Variants in CRB1 observed in about 807,000 individuals in gnomAD.
CRB1 encodes protein crumbs homolog 1.
Under a neutral mutation model 120.0 loss-of-function variants are expected in CRB1, and 83 were observed. The observed-to-expected ratio is 0.69, with a 90% CI of 0.58 to 0.83. The LOEUF is 0.83. CRB1 is among the 40% of genes least tolerant of loss of function. The probability of loss-of-function intolerance (pLI) is 0.00; values close to 1 mark genes in which losing one functional copy is unlikely to be tolerated. For synonymous variants in CRB1, 625 were observed against 612.5 expected, an observed-to-expected ratio of 1.02 and a Z score of -0.30; for missense variants, 1,699 against 1,687.6, an observed-to-expected ratio of 1.01 and a Z score of -0.12.
intron 5 of CRB1, among the ~76,000 whole-genome samples, chr1:197,403,047 T>C (rs1057506102): frequency 1.3e-5 from 2 of 152,216 alleles, no homozygotes; most frequent in African/African-American, 2.4e-5. Flanking sequence ...TTCACACATA[T>C]TGTCATGAAA....
intron 1 of CRB1, among the ~76,000 whole-genome samples, chr1:197,294,267 A>C (rs1656378270): frequency 6.6e-6 from 1 of 152,226 alleles, no homozygotes; most frequent in Non-Finnish European, 1.5e-5. Context: ...ATGAACAGAC[A>C]GTTCTCAAAA....
At chr1:197,416,567 T>C (rs1392469619) in intron 5 of CRB1, among the ~76,000 whole-genome samples, 1 of 152,124 alleles carries the variant, frequency 6.6e-6, no homozygotes, top group Non-Finnish European at 1.5e-5. Context: ...CAATTGAAAT[T>C]TCATCTAAGG....
At chr1:197,325,901 G>T (rs1410810432) in intron 1 of CRB1, among the ~76,000 whole-genome samples, 1 of 152,088 alleles carries the variant, frequency 6.6e-6, no homozygotes, top group African/African-American at 2.4e-5. Context: ...CTTTCCTTCT[G>T]CTGACAAAGG....
intron 1 of CRB1, among the ~76,000 whole-genome samples, chr1:197,292,469 C>A (rs1482846622): frequency 6.6e-6 from 1 of 152,108 alleles, no homozygotes; most frequent in Non-Finnish European, 1.5e-5. Flanking sequence ...CAGCCGAATT[C>A]TACCAGAGGT....
intron 1 of CRB1, among the ~76,000 whole-genome samples, chr1:197,323,599 T>A (rs1251073827): frequency 6.6e-6 from 1 of 152,162 alleles, no homozygotes; most frequent in Non-Finnish European, 1.5e-5. Flanking sequence ...ATAAATGTAA[T>A]GTCAAAGGAA....
chr1:197,238,169 A>G, the CRB1 span, among the ~76,000 whole-genome samples: 4 of 152,004 alleles, frequency 2.6e-5, no homozygotes, highest in African/African-American at 9.7e-5. Flanking sequence ...TTATCTTTCT[A>G]TTATTGATTT....
chr1:197,429,726 A>G (rs1358745239), intron 8 of CRB1, 112 bp downstream of exon 8: 1 of 1,154,832 alleles, frequency 8.7e-7, no homozygotes, highest in Admixed American at 2.1e-5. Flanking sequence ...AAATTAATCT[A>G]TGGTTGTTTC....
chr1:197,347,371 A>G lies in CRB1; in HGVS notation c.880A>G (p.Thr294Ala), dbSNP rs1355792841. The change falls in exon 4 of 12, where the codon ACA becomes GCA. Residue 294 changes from threonine (T) to alanine (A), a missense_variant. Coordinates refer to ENST00000367400, the MANE Select transcript of CRB1 (RefSeq NM_201253.3). ...YSCNCTGSGF[T>A]GTHCETLMPL... ...CTGTAACTGCACGGGTAGTGGATTCACAGGGACACACTGTGAGACCTTGAT... is the reference window on the plus strand; with the variant it reads ...CTGTAACTGCACGGGTAGTGGATTCGCAGGGACACACTGTGAGACCTTGAT... 1 of 1,614,014 alleles carries G rather than the reference A, an allele frequency of 6.2e-7. No homozygotes were observed.
At chr1:197,438,932 T>C in intron 10 of CRB1, 7 of 382,886 alleles carry the variant, frequency 1.8e-5, no homozygotes, top group South Asian at 1.4e-4. Context: ...TATTTTTCTT[T>C]CTTATAAGTA....
chr1:197,369,125 A>G (rs1273149995), intron 5 of CRB1, among the ~76,000 whole-genome samples: 1 of 152,200 alleles, frequency 6.6e-6, no homozygotes, highest in East Asian at 1.9e-4. Flanking sequence ...TTTACTACTC[A>G]TGAGGATGCC....
intron 1 of CRB1, among the ~76,000 whole-genome samples, chr1:197,326,476 A>G (rs1658496175): frequency 6.6e-6 from 1 of 151,974 alleles, no homozygotes. Flanking sequence ...ACTAAAATAC[A>G]AAAAATTAAC....
chr1:197,213,573 C>A, the CRB1 span, among the ~76,000 whole-genome samples: 1 of 152,142 alleles, frequency 6.6e-6, no homozygotes, highest in Non-Finnish European at 1.5e-5. Context: ...AAATCAATCA[C>A]CAATCATAAG....
chr1:197,426,120 A>G (rs1432181286), intron 6 of CRB1, among the ~76,000 whole-genome samples: 1 of 151,920 alleles, frequency 6.6e-6, no homozygotes, highest in African/African-American at 2.4e-5. Flanking sequence ...CTGCAAATAG[A>G]AAGTCCATGC....
At chr1:197,457,882 C>T (rs1666355859) in intron 11 of CRB1, among the ~76,000 whole-genome samples, 1 of 152,032 alleles carries the variant, frequency 6.6e-6, no homozygotes, top group Non-Finnish European at 1.5e-5. Context: ...AAGTTGTATA[C>T]CTGTCAGCAA....
At chr1:197,259,973 G>T in the CRB1 span, among the ~76,000 whole-genome samples, 1 of 150,220 alleles carries the variant, frequency 6.7e-6, no homozygotes, top group East Asian at 2.0e-4. Flanking sequence ...ACATAGTGAG[G>T]CCCCATGTCT....
chr1:197,340,031 G>T (rs1243320854), intron 2 of CRB1, among the ~76,000 whole-genome samples: 1 of 152,122 alleles, frequency 6.6e-6, no homozygotes, highest in African/African-American at 2.4e-5. Flanking sequence ...ACAGATATTG[G>T]TGTTAAAGGT....
chr1:197,260,279 A>G, the CRB1 span, among the ~76,000 whole-genome samples: 1 of 152,170 alleles, frequency 6.6e-6, no homozygotes, highest in Non-Finnish European at 1.5e-5. Flanking sequence ...TTTTTTTTAT[A>G]TACGGGTTTC....
Position 197,421,839 on chromosome 1 carries a change from G to A in CRB1, c.2011G>A (p.Val671Met). 3 of 1,614,204 alleles carry A rather than the reference G, an allele frequency of 1.9e-6. No homozygotes were observed. Among genetic ancestry groups the A allele is most frequent in the African/African-American group, 1.3e-5 (1 of 75,042 alleles). The change falls in exon 6 of 12, where the codon GTG becomes ATG. Residue 671 changes from valine to methionine, a missense_variant. By Grantham distance (21) the Val-to-Met change is conservative (BLOSUM62 1). Coordinates refer to ENST00000367400, the MANE Select transcript of CRB1 (RefSeq NM_201253.3). ...ATCATTAAATGTCAAGGCAGGCTGT[G>A]TGAGAAAGGATTGGTGTGAAAGCCA... ...GSSLNVKAGCVRKDWCESQPC... is the reference protein window; with the variant it reads ...GSSLNVKAGCMRKDWCESQPC...
chr1:197,444,064 A>G (rs958670526), intron 11 of CRB1: 1 of 152,212 alleles, frequency 6.6e-6, no homozygotes, highest in Non-Finnish European at 1.5e-5. Context: ...ATTGGATGCC[A>G]TCTATTTAGT....
Sources: allele counts gnomAD v4.1 joint callset (sites outside exome capture counted in the v4.1 genomes callset), GRCh38; gene constraint gnomAD v4.1.1; transcripts MANE v1.5; gene names NCBI Gene and HGNC (gene_info 2026-07-23, HGNC 2026-07-21).